Variants in C13orf46 observed in about 807,000 individuals in gnomAD.
The protein encoded by C13orf46 is chromosome 13 open reading frame 46.
At chr13:113,945,640 GAA>G in the C13orf46 span, among the ~76,000 whole-genome samples, 1 of 136,384 alleles carries the variant, frequency 7.3e-6, no homozygotes, top group Admixed American at 7.3e-5. Flanking sequence ...AAGAAAGAAA[GAA>G]AGAAAGAAAG....
chr13:113,969,107 A>T (rs2052677873), intron 2 of C13orf46, among the ~76,000 whole-genome samples: 1 of 152,264 alleles, frequency 6.6e-6, no homozygotes, highest in African/African-American at 2.4e-5. Context: ...TCGCAGATCC[A>T]CACTCCATGT....
At chr13:113,951,180 C>T (rs1168122391), downstream of C13orf46, among the ~76,000 whole-genome samples, 1 of 152,160 alleles carries the variant, frequency 6.6e-6, no homozygotes, top group Non-Finnish European at 1.5e-5. Context: ...CCCCCTCCAG[C>T]GAATGCTCAG....
intron 6 of C13orf46, among the ~76,000 whole-genome samples, 197 bp downstream of exon 6, chr13:113,964,730 G>A (rs1383601660): frequency 1.3e-5 from 2 of 152,192 alleles, no homozygotes; most frequent in Non-Finnish European, 2.9e-5. Context: ...GCCCTTCGAA[G>A]GTCCGATGTC....
chr13:113,951,514 C>G (rs1361380946), downstream of C13orf46, among the ~76,000 whole-genome samples: 1 of 152,204 alleles, frequency 6.6e-6, no homozygotes, highest in Non-Finnish European at 1.5e-5. Flanking sequence ...GGGGAGATCC[C>G]GGCCGGGTTT....
At chr13:113,926,635 G>A in the C13orf46 span, 1 of 152,238 alleles carries the variant, frequency 6.6e-6, no homozygotes, top group Non-Finnish European at 1.5e-5. Flanking sequence ...ACTTAATGGG[G>A]ATGAGCTGTT....
chr13:113,971,250 G>A (rs2052701996), intron 1 of C13orf46, among the ~76,000 whole-genome samples: 1 of 152,228 alleles, frequency 6.6e-6, no homozygotes, highest in African/African-American at 2.4e-5. Context: ...TTTAAATGAT[G>A]CTTGTGATGG....
rs1226422078 is a variant in C13orf46 at position 113,954,188 on chromosome 13, A to G, written c.*2585T>C. ...CATGTGCACCACAGGGACGGCCCCC[A>G]TGTGTCTCCACGGGAATAGACAGTG... On this transcript the variant is annotated 3_prime_UTR_variant, in exon 7 of 7. Coordinates refer to ENST00000636427, the MANE Select transcript of C13orf46 (RefSeq NM_001365455.2). 6.6e-6 allele frequency: 1 copy of G among 152,190 alleles called. No individual in the cohort carries two copies. The highest frequency in any genetic ancestry group is 2.1e-4 in the South Asian group (1 of 4,830). 9.4% of individuals were successfully genotyped at this position (152,190 alleles called of 1,614,324 possible). A position where few individuals can be genotyped will look rare whatever the true frequency, so the allele number is the denominator to read the frequency against.
At position 113,965,517 on chromosome 13, in the gene C13orf46, G is replaced by A. The variant is rs964217937; in HGVS notation, c.505-523C>T. On this transcript the variant is annotated intron_variant, in intron 5 of 6. Transcript: ENST00000636427. ...ATTAAGTCAGCCTCTTCTTCTTACA[G>A]ATAAGGATGATGATTATGGTGGTGA... Among the ~76,000 whole-genome samples, 462 of 152,318 alleles carry A rather than the reference G, an allele frequency of 3.0e-3. 2 individuals are homozygous for A. The highest frequency in any genetic ancestry group is 0.01 in the African/African-American group (433 of 41,580).
chr13:113,951,336 T>C (rs2052487810), downstream of C13orf46, among the ~76,000 whole-genome samples: 1 of 152,110 alleles, frequency 6.6e-6, no homozygotes, highest in Non-Finnish European at 1.5e-5. Flanking sequence ...AAGGGCAAGG[T>C]CGTCCCTGCG....
intron 1 of C13orf46, among the ~76,000 whole-genome samples, chr13:113,972,608 C>A (rs965349176): frequency 1.3e-5 from 2 of 152,186 alleles, no homozygotes; most frequent in South Asian, 4.1e-4. Context: ...CAGGCCCACA[C>A]CACCGTCCGT....
chr13:113,957,414 TTCA>T (rs1357160127), intron 6 of C13orf46, among the ~76,000 whole-genome samples: 38 of 139,426 alleles, frequency 2.7e-4, no homozygotes, highest in African/African-American at 9.9e-4. Flanking sequence ...TGCACCCCCT[TTCA>T]TCAAGTGCAC....
At chr13:113,944,004 C>T in the C13orf46 span, among the ~76,000 whole-genome samples, 8 of 152,158 alleles carry the variant, frequency 5.3e-5, no homozygotes, top group Non-Finnish European at 1.0e-4. Flanking sequence ...TTCAGTATCC[C>T]GACAGGAAGG....
chr13:113,930,231 C>T, the C13orf46 span, among the ~76,000 whole-genome samples: 4 of 152,226 alleles, frequency 2.6e-5, no homozygotes, highest in Non-Finnish European at 4.4e-5. Context: ...CTCCTACAAG[C>T]CCATCATCAA....
chr13:113,963,928 G>A (rs1373766608), intron 6 of C13orf46, among the ~76,000 whole-genome samples: 19 of 152,142 alleles, frequency 1.2e-4, no homozygotes, highest in Admixed American at 1.2e-3. Context: ...TCGGTTCACC[G>A]CAACCTCCGC....
chr13:113,948,606 A>C, the C13orf46 span, among the ~76,000 whole-genome samples: 22 of 152,250 alleles, frequency 1.4e-4, no homozygotes, highest in African/African-American at 4.3e-4. Context: ...AGACACTTAG[A>C]AAAGAGCTCC....
Position 113,956,851 on chromosome 13 carries a change from G to A in C13orf46, c.573-12C>T, listed in dbSNP as rs2052539021. 6.6e-6 allele frequency: 1 copy of A among 152,366 alleles called. No individual in the cohort carries two copies. Among genetic ancestry groups the A allele is most frequent in the Non-Finnish European group, 1.5e-5 (1 of 68,132 alleles). 9.4% of individuals were successfully genotyped at this position (152,366 alleles called of 1,614,324 possible). Reference sequence around the variant, plus strand: ...AGCTGGTCTGCATCCTGCAGGGCGAGAGGAGGGCAGGTGGGTGAGAAAGGG... The same window carrying A: ...AGCTGGTCTGCATCCTGCAGGGCGAAAGGAGGGCAGGTGGGTGAGAAAGGG... On this transcript the variant is annotated splice_polypyrimidine_tract_variant and intron_variant, in intron 6 of 6. Transcript: ENST00000636427.
chr13:113,963,228 GCCCCTGTCCTCAGCCTCGC>G (rs1483824746), intron 6 of C13orf46, among the ~76,000 whole-genome samples: 25 of 129,098 alleles, frequency 1.9e-4, no homozygotes, highest in East Asian at 7.2e-4. Flanking sequence ...CTCAGCCTCG[GCCCCTGTCCTCAGCCTCGC>G]CCCTGTCCTC....
At chr13:113,966,011 TG>T (rs1418998449) in intron 5 of C13orf46, among the ~76,000 whole-genome samples, 1 of 150,990 alleles carries the variant, frequency 6.6e-6, no homozygotes, top group Non-Finnish European at 1.5e-5. Context: ...ATGATGATGA[TG>T]GTGGTGATGA....
chr13:113,953,194 G>A (rs1306804424), downstream of C13orf46, among the ~76,000 whole-genome samples: 7 of 152,316 alleles, frequency 4.6e-5, no homozygotes, highest in South Asian at 4.1e-4. Flanking sequence ...CAGCTCGCTC[G>A]GGACCTGCCC....
Sources: gnomAD v4.1 joint callset for allele counts (sites outside exome capture counted in the v4.1 genomes callset) on GRCh38, gnomAD v4.1.1 for gene constraint, MANE v1.5 for transcripts, NCBI Gene and HGNC (gene_info 2026-07-23, HGNC 2026-07-21) for gene names.